The following IFT74 variants were observed in gnomAD, a reference collection of about 807,000 sequenced individuals.
IFT74 encodes intraflagellar transport protein 74 homolog.
A neutral mutation model predicts 96.7 loss-of-function variants in IFT74; 92 were observed. The ratio of observed to expected loss-of-function variants is 0.95; its 90% confidence interval spans 0.80 to 1.13. The LOEUF is 1.13. Ranked by LOEUF, IFT74 falls within the 50% of genes most tolerant of loss-of-function variation. The pLI, the probability that IFT74 is intolerant of heterozygous loss-of-function variation, is 0.00. For missense variants in IFT74, 811 were observed against 698.2 expected, an observed-to-expected ratio of 1.16 and a Z score of -1.82; for synonymous variants, 223 against 213.2, an observed-to-expected ratio of 1.05 and a Z score of -0.40.
intron 8 of IFT74, chr9:26,997,771 T>C (rs1828242525): frequency 6.2e-7 from 1 of 1,611,470 alleles, no homozygotes; most frequent in Non-Finnish European, 8.5e-7. Context: ...GCAAATTAAA[T>C]AGACTGCAAG....
intron 8 of IFT74, among the ~76,000 whole-genome samples, chr9:26,996,970 G>A (rs1828189266): frequency 6.6e-6 from 1 of 152,134 alleles, no homozygotes; most frequent in African/African-American, 2.4e-5. Flanking sequence ...CAGCACTTTG[G>A]GAGGCCGAGG....
At chr9:26,971,217 T>A (rs1778726000) in intron 2 of IFT74, among the ~76,000 whole-genome samples, 1 of 152,238 alleles carries the variant, frequency 6.6e-6, no homozygotes, top group Non-Finnish European at 1.5e-5. Flanking sequence ...GGCATTTTAG[T>A]GTAGTTAATT....
At chr9:26,971,486 C>A (rs1587259385) in intron 2 of IFT74, among the ~76,000 whole-genome samples, 2 of 151,986 alleles carry the variant, frequency 1.3e-5, no homozygotes, top group African/African-American at 4.8e-5. Flanking sequence ...CTGGTAATAT[C>A]CATTTTCCTT....
chr9:26,984,466 A>G, intron 5 of IFT74, 33 bp from the exon 6 acceptor site: 1 of 1,594,870 alleles, frequency 6.3e-7, no homozygotes, highest in Non-Finnish European at 8.6e-7. Flanking sequence ...TTTTATGTAC[A>G]TATTTATGAA....
At position 27,064,332 on chromosome 9, in the gene IFT74, A is replaced by G. The variant is rs1810763510; in HGVS notation, c.*1596A>G. On this transcript the variant is annotated 3_prime_UTR_variant, in exon 20 of 20. Transcript: ENST00000380062. Reference sequence around the variant, plus strand: ...ATGCTGTGATTGTATGGGGTTTTCTATTGGAAATTGGTAGCAGAAAGTGCT... The same window carrying G: ...ATGCTGTGATTGTATGGGGTTTTCTGTTGGAAATTGGTAGCAGAAAGTGCT... 6.6e-6 allele frequency among the ~76,000 whole-genome samples: 1 copy of G among 152,046 alleles called. No individual in the cohort carries two copies. The highest frequency in any genetic ancestry group is 1.5e-5 in the Non-Finnish European group (1 of 67,956).
chr9:26,969,412 C>G (rs1318654313), intron 2 of IFT74, among the ~76,000 whole-genome samples: 2 of 151,596 alleles, frequency 1.3e-5, no homozygotes, highest in East Asian at 1.9e-4. Flanking sequence ...GTGTGGAATA[C>G]CTTTTCCCAC....
chr9:27,017,777 A>G (rs1035681938), intron 11 of IFT74, among the ~76,000 whole-genome samples: 4 of 152,204 alleles, frequency 2.6e-5, no homozygotes, highest in Non-Finnish European at 2.9e-5. Flanking sequence ...GTCATGACAC[A>G]TGTAACATGT....
At chr9:27,017,188 C>G in intron 11 of IFT74, 138 bp downstream of exon 11, 1 of 505,580 alleles carries the variant, frequency 2.0e-6, no homozygotes, top group East Asian at 3.4e-5. Context: ...GAAGAAATGA[C>G]TTTTTAATCT....
At chr9:27,050,080 AGGGT>A in intron 16 of IFT74, among the ~76,000 whole-genome samples, 1 of 152,022 alleles carries the variant, frequency 6.6e-6, no homozygotes, top group Non-Finnish European at 1.5e-5. Context: ...TTTATGAGAC[AGGGT>A]CTCACTCTCA....
At chr9:27,016,655 A>G (rs1395143347) in intron 10 of IFT74, among the ~76,000 whole-genome samples, 2 of 152,210 alleles carry the variant, frequency 1.3e-5, no homozygotes, top group Non-Finnish European at 2.9e-5. Context: ...TTCAGGTCTT[A>G]TATGTAGAAA....
chr9:26,980,428 G>T (rs1827320208), intron 3 of IFT74, 143 bp from the exon 4 acceptor site: 6 of 699,692 alleles, frequency 8.6e-6, no homozygotes, highest in South Asian at 7.6e-5. Context: ...TCTCTTTTCA[G>T]TTTCAGTGAT....
chr9:27,029,198 G>T, intron 13 of IFT74, 94 bp downstream of exon 13: 1 of 832,902 alleles, frequency 1.2e-6, no homozygotes, highest in South Asian at 2.3e-5. Context: ...TCAACTACCT[G>T]GGATTTATTA....
chr9:26,960,012 A>C (rs968957148), intron 1 of IFT74, among the ~76,000 whole-genome samples: 2 of 152,218 alleles, frequency 1.3e-5, no homozygotes, highest in Non-Finnish European at 1.5e-5. Context: ...GATAGTGCTC[A>C]TGAGACACTA....
chr9:27,028,892 T>A (rs1487972197), intron 12 of IFT74, 133 bp from the exon 13 acceptor site: 1 of 761,224 alleles, frequency 1.3e-6, no homozygotes, highest in East Asian at 2.9e-5. Context: ...GTTATAGTAT[T>A]GTCCTTAGAA....
At chr9:26,984,648 T>G in intron 6 of IFT74, 89 bp downstream of exon 6, 1 of 980,724 alleles carries the variant, frequency 1.0e-6, no homozygotes, top group Non-Finnish European at 1.6e-6. Context: ...GCAAAGGACA[T>G]GCACAGATAC....
chr9:27,060,516 G>T, intron 18 of IFT74, 75 bp from the exon 19 acceptor site: 12 of 902,680 alleles, frequency 1.3e-5, no homozygotes, highest in Admixed American at 1.2e-4. Flanking sequence ...GATTTTTTTT[G>T]TCTTATCCTC....
At chr9:27,006,949 G>T (rs975321609) in intron 8 of IFT74, among the ~76,000 whole-genome samples, 67 of 146,214 alleles carry the variant, frequency 4.6e-4, no homozygotes, top group African/African-American at 1.6e-3. Flanking sequence ...CCATTCTCCT[G>T]CCTCAGCCTC....
At chr9:27,051,348 T>G (rs760435553) in intron 16 of IFT74, among the ~76,000 whole-genome samples, 3 of 152,188 alleles carry the variant, frequency 2.0e-5, no homozygotes, top group Non-Finnish European at 4.4e-5. Flanking sequence ...TTTGTATGTC[T>G]ATATGCCAAG....
At chr9:27,009,201 G>A (rs375817981) in intron 9 of IFT74, 43 bp downstream of exon 9, 32 of 1,554,214 alleles carry the variant, frequency 2.1e-5, no homozygotes, top group Non-Finnish European at 1.1e-5. Flanking sequence ...TATCATTCTT[G>A]CTACTAAAAG....
Sources: gnomAD v4.1 joint callset for allele counts (sites outside exome capture counted in the v4.1 genomes callset) on GRCh38, gnomAD v4.1.1 for gene constraint, MANE v1.5 for transcripts, NCBI Gene and HGNC (gene_info 2026-07-23, HGNC 2026-07-21) for gene names.